COLEC10: variants seen among roughly 807,000 people sequenced by gnomAD.
The protein encoded by COLEC10 is collectin-10.
COLEC10 carries 22 observed loss-of-function variants against 28.4 expected under a neutral mutation model. The observed-to-expected ratio is 0.78, with a 90% CI of 0.55 to 1.11. The LOEUF is 1.11. COLEC10 is among the 50% of genes least tolerant of loss of function. The pLI is 0.00. For missense variants in COLEC10, 361 were observed against 344.1 expected (o/e 1.05, Z -0.39); for synonymous variants, 125 against 116.1 (o/e 1.08, Z -0.49).
At chr8:119,064,855 C>A (rs1814923886), upstream of COLEC10, among the ~76,000 whole-genome samples, 1 of 150,884 alleles carries the variant, frequency 6.6e-6, no homozygotes, top group African/African-American at 2.4e-5. Context: ...TGCTTAATTT[C>A]TTTGAGCCTC....
At chr8:119,079,224 C>T (rs1815319296) in intron 1 of COLEC10, among the ~76,000 whole-genome samples, 2 of 152,144 alleles carry the variant, frequency 1.3e-5, no homozygotes, top group Admixed American at 1.3e-4. Context: ...CTTCTAAGCA[C>T]TCTTCTAAGC....
the COLEC10 span, among the ~76,000 whole-genome samples, chr8:118,966,486 A>G: frequency 6.6e-6 from 1 of 152,176 alleles, no homozygotes; most frequent in Non-Finnish European, 1.5e-5. Flanking sequence ...AAGTAATGCA[A>G]GGAGATTTCA....
chr8:119,091,041 G>C (rs1323404407), intron 2 of COLEC10, 108 bp from the exon 3 acceptor site: 1 of 820,354 alleles, frequency 1.2e-6, no homozygotes. Context: ...AGATATCACT[G>C]GTAGAAGAAT....
chr8:118,990,792 G>A (rs993819813), upstream of COLEC10, among the ~76,000 whole-genome samples: 3 of 151,966 alleles, frequency 2.0e-5, no homozygotes, highest in African/African-American at 7.2e-5. Flanking sequence ...TGTCAGCCAC[G>A]TATGATTTAT....
chr8:118,990,235 AAAC>A, the COLEC10 span, among the ~76,000 whole-genome samples: 2 of 152,190 alleles, frequency 1.3e-5, 1 homozygote, highest in Non-Finnish European at 2.9e-5. Flanking sequence ...TATCCAATAA[AAAC>A]AACATATTTT....
chr8:118,996,160 G>C (rs1219626940), intron 1 of COLEC10, among the ~76,000 whole-genome samples: 1 of 152,162 alleles, frequency 6.6e-6, no homozygotes, highest in Non-Finnish European at 1.5e-5. Context: ...GCTTATTTCA[G>C]TTAGCATAGT....
chr8:119,102,402 G>T lies in COLEC10; in HGVS notation c.346+1G>T, dbSNP rs780525179. The T allele has an allele frequency of 1.9e-6, 3 of 1,606,962 alleles. No homozygotes were observed. Among genetic ancestry groups the T allele is most frequent in the South Asian group, 1.1e-5 (1 of 89,908 alleles). ...ATACCTGGAGAAAAAGGCAAAGCAGGTACGATATGTTCAATGTTCTCTTTG... is the reference window on the plus strand; with the variant it reads ...ATACCTGGAGAAAAAGGCAAAGCAGTTACGATATGTTCAATGTTCTCTTTG... On this transcript the variant is annotated splice_donor_variant, in intron 4 of 5. Coordinates refer to ENST00000332843, the MANE Select transcript of COLEC10 (RefSeq NM_006438.5). LOFTEE classifies it high-confidence loss of function.
intron 4 of COLEC10, among the ~76,000 whole-genome samples, chr8:119,102,864 C>T (rs552606131): frequency 1.3e-5 from 2 of 152,246 alleles, no homozygotes; most frequent in Admixed American, 6.5e-5. Context: ...GAGCTTTATT[C>T]CCAGTGCTTT....
At chr8:118,957,773 C>T in the COLEC10 span, among the ~76,000 whole-genome samples, 2 of 152,160 alleles carry the variant, frequency 1.3e-5, no homozygotes, top group Non-Finnish European at 2.9e-5. Flanking sequence ...AATCCTGCAC[C>T]TCACATACCC....
intron 1 of COLEC10, among the ~76,000 whole-genome samples, chr8:119,069,918 G>C (rs886274757): frequency 4.0e-5 from 6 of 151,766 alleles, no homozygotes; most frequent in Non-Finnish European, 8.8e-5. Flanking sequence ...ACAGTGCTCA[G>C]AAGTTTCTAG....
At chr8:118,961,691 T>C in the COLEC10 span, among the ~76,000 whole-genome samples, 5 of 152,236 alleles carry the variant, frequency 3.3e-5, no homozygotes, top group Admixed American at 3.3e-4. Context: ...GCTACCCATC[T>C]GCGTCAAAGT....
chr8:119,097,090 AAC>A (rs1185008953), intron 3 of COLEC10, among the ~76,000 whole-genome samples: 1 of 152,112 alleles, frequency 6.6e-6, no homozygotes, highest in Non-Finnish European at 1.5e-5. Flanking sequence ...GAAAACTTGT[AAC>A]ACAGTTCTAA....
At chr8:119,013,375 C>A (rs1476168766) in intron 2 of COLEC10, among the ~76,000 whole-genome samples, 1 of 150,396 alleles carries the variant, frequency 6.6e-6, no homozygotes. Flanking sequence ...TATTTTATGG[C>A]ACAGAATGAA....
At chr8:118,972,646 T>C in the COLEC10 span, among the ~76,000 whole-genome samples, 1 of 152,012 alleles carries the variant, frequency 6.6e-6, no homozygotes, top group Non-Finnish European at 1.5e-5. Context: ...AGCTCAGAAC[T>C]ACCCTTGACT....
intron 2 of COLEC10, among the ~76,000 whole-genome samples, chr8:119,030,409 A>G (rs2130126406): frequency 6.6e-6 from 1 of 152,292 alleles, no homozygotes; most frequent in Admixed American, 6.5e-5. Context: ...TCATGCTGTA[A>G]TCTCAGCACT....
intron 3 of COLEC10, among the ~76,000 whole-genome samples, chr8:119,099,187 G>A (rs573033926): frequency 6.6e-6 from 1 of 152,124 alleles, no homozygotes; most frequent in East Asian, 1.9e-4. Context: ...AGTTATTACA[G>A]ACATGTTCCC....
At chr8:119,012,336 T>A (rs1813913825) in intron 2 of COLEC10, among the ~76,000 whole-genome samples, 1 of 150,734 alleles carries the variant, frequency 6.6e-6, no homozygotes, top group South Asian at 2.1e-4. Flanking sequence ...TTATGGTGTA[T>A]CATTCTTTTT....
the COLEC10 span, among the ~76,000 whole-genome samples, chr8:118,957,478 C>T: frequency 6.6e-6 from 1 of 152,112 alleles, no homozygotes; most frequent in African/African-American, 2.4e-5. Context: ...GGAGTAAAGT[C>T]AATGAGGCTA....
chr8:118,985,412 A>G, the COLEC10 span, among the ~76,000 whole-genome samples: 1 of 152,080 alleles, frequency 6.6e-6, no homozygotes, highest in Non-Finnish European at 1.5e-5. Flanking sequence ...TTTTCGTTCT[A>G]GTTTCTATTG....
Sources: gnomAD v4.1 joint callset for allele counts (sites outside exome capture counted in the v4.1 genomes callset) on GRCh38, gnomAD v4.1.1 for gene constraint, MANE v1.5 for transcripts, NCBI Gene and HGNC (gene_info 2026-07-23, HGNC 2026-07-21) for gene names.